WNT2B: variants seen among roughly 807,000 people sequenced by gnomAD.
WNT2B encodes Wnt family member 2B, also known as protein Wnt-2b.
A neutral mutation model predicts 40.5 loss-of-function variants in WNT2B; 19 were observed. That is an observed-to-expected ratio of 0.47 (90% CI 0.33 to 0.69). The LOEUF is 0.69. Ranked by LOEUF, WNT2B falls within the 30% of genes least tolerant of loss-of-function variation. The pLI is 0.02. For missense variants in WNT2B, 467 were observed against 556.4 expected, an observed-to-expected ratio of 0.84 and a Z score of 1.62; for synonymous variants, 220 against 211.9, an observed-to-expected ratio of 1.04 and a Z score of -0.33.
intron 1 of WNT2B, among the ~76,000 whole-genome samples, chr1:112,494,848 A>G (rs1651714678): frequency 6.6e-6 from 1 of 151,626 alleles, no homozygotes. Context: ...AAGTGAAGGT[A>G]AAACAAAAAC....
upstream of WNT2B, among the ~76,000 whole-genome samples, chr1:112,505,798 C>T (rs369851261): frequency 2.5e-3 from 386 of 152,318 alleles, 1 homozygote; most frequent in African/African-American, 8.8e-3. Flanking sequence ...TCCCGGGGAA[C>T]TGGGGACTCA....
intron 1 of WNT2B, among the ~76,000 whole-genome samples, chr1:112,484,290 T>TATATACACATATATATATATATATAC (rs1294363726): frequency 7.9e-6 from 1 of 126,050 alleles, no homozygotes; most frequent in African/African-American, 3.4e-5. Context: ...TATATATATA[T>TATATACACATATATATATATATATAC]ACACACACAT....
chr1:112,501,958 T>G (rs1651968002), intron 1 of WNT2B, among the ~76,000 whole-genome samples: 1 of 152,330 alleles, frequency 6.6e-6, no homozygotes, highest in East Asian at 1.9e-4. Context: ...AAGACGAAGC[T>G]CAGGCTGCCA....
intron 1 of WNT2B, chr1:112,490,919 C>A: frequency 7.5e-7 from 1 of 1,325,540 alleles, no homozygotes; most frequent in Non-Finnish European, 1.1e-6. Context: ...AATAGCTCTA[C>A]CCTAAATAAA....
At position 112,517,254 on chromosome 1, in the gene WNT2B, C is replaced by G; in HGVS notation, c.815C>G (p.Ala272Gly). 1.2e-6 allele frequency: 2 copies of G among 1,614,228 alleles called. No individual in the cohort carries two copies. Among genetic ancestry groups the G allele is most frequent in the Non-Finnish European group, 1.7e-6 (2 of 1,180,044 alleles). ...TACCTGCGGCGACGCTATGATGGGG[C>G]TGTGCAGGTGATGGCCACCCAAGAT... Reference protein sequence around the residue: ...GDYLRRRYDGAVQVMATQDGA... With the variant: ...GDYLRRRYDGGVQVMATQDGA... Residue 272 changes from alanine to glycine, a missense_variant, in exon 4 of 5, where the codon GCT (alanine) becomes GGT (glycine). Around this residue, in one of 2 missense-constraint regions of WNT2B, gnomAD observed 330 missense variants for 438.6 expected, o/e 0.75. Transcript: ENST00000369684.
At chr1:112,471,880 T>G (rs1224435921) in intron 1 of WNT2B, among the ~76,000 whole-genome samples, 1 of 152,202 alleles carries the variant, frequency 6.6e-6, no homozygotes, top group Non-Finnish European at 1.5e-5. Flanking sequence ...CAAAACAAAA[T>G]TTATCTCTTG....
In WNT2B at chr1:112,491,060, C is replaced by A. The variant is rs761031689; in HGVS notation, c.-95+23469C>A. The A allele has an allele frequency of 6.2e-6, 10 of 1,613,918 alleles. No homozygotes were observed. In the Admixed American group the frequency reaches 8.3e-5, roughly 13 times the overall value. On this transcript the variant is annotated intron_variant, in intron 1 of 4. Transcript: ENST00000256640. ...GTACCTGGCATACCTACACAGTCAGCGTTCAACAAGTGTTTGCAAAGGTAC... is the reference window on the plus strand; with the variant it reads ...GTACCTGGCATACCTACACAGTCAGAGTTCAACAAGTGTTTGCAAAGGTAC...
At chr1:112,508,455 A>T (rs1401917827), upstream of WNT2B, among the ~76,000 whole-genome samples, 1 of 151,924 alleles carries the variant, frequency 6.6e-6, no homozygotes, top group Non-Finnish European at 1.5e-5. This position sits in a 1 kb window ranked among gnomAD's most constrained non-coding sequence, Gnocchi z 4.2. Context: ...CCCTGCTAGA[A>T]GCCGACTGCC....
chr1:112,509,261 C>A lies in WNT2B; in HGVS notation c.-2C>A. 6.6e-7 allele frequency: 1 copy of A among 1,524,420 alleles called. No homozygotes were observed. Among genetic ancestry groups the A allele is most frequent in the South Asian group, 1.2e-5 (1 of 82,616 alleles). The allele number at this position is 1,524,420 out of a possible 1,614,324, so 94.4% of individuals were successfully genotyped here. Reference sequence around the variant, plus strand: ...CTGCGCGGCGGGAGTCTTCGGGGAGCTATGCTGAGACCGGGTGGTGCGGAG... The same window carrying A: ...CTGCGCGGCGGGAGTCTTCGGGGAGATATGCTGAGACCGGGTGGTGCGGAG... On this transcript the variant is annotated 5_prime_UTR_variant, in exon 1 of 5. Transcript: ENST00000369684. This position sits in a 1 kb window ranked among gnomAD's most constrained non-coding sequence, Gnocchi z 4.2.
intron 1 of WNT2B, among the ~76,000 whole-genome samples, chr1:112,475,761 GA>G (rs1381211094): frequency 6.6e-6 from 1 of 151,852 alleles, no homozygotes; most frequent in Non-Finnish European, 1.5e-5. Flanking sequence ...AAGAAGGAAA[GA>G]AGAACAAAGA....
intron 1 of WNT2B, among the ~76,000 whole-genome samples, chr1:112,488,639 C>T (rs1331724096): frequency 6.6e-6 from 1 of 151,556 alleles, no homozygotes; most frequent in Non-Finnish European, 1.5e-5. Flanking sequence ...GCAAGCTCCA[C>T]CACCCGGGTT....
chr1:112,509,631 TG>T lies in WNT2B; in HGVS notation c.182+189del, dbSNP rs1386079026. ...GGTGAGGCGCCGCGTCTTACACGAC[TG>T]GTGAGAAAGGCGCTGGGCATTCGGA... On this transcript the variant is annotated intron_variant, in intron 1 of 4. Coordinates refer to ENST00000369684, the MANE Select transcript of WNT2B (RefSeq NM_024494.3). The surrounding 1 kb of genome is among the most constrained non-coding windows in gnomAD (Gnocchi z 4.2). Among the ~76,000 whole-genome samples the T allele has an allele frequency of 1.3e-5, 2 of 152,170 alleles. No homozygotes were observed. The highest frequency in any genetic ancestry group is 1.3e-4 in the Admixed American group (2 of 15,276).
At chr1:112,517,011 C>A (rs1652582919) in intron 3 of WNT2B, 110 bp from the exon 4 acceptor site, 1 of 1,449,126 alleles carries the variant, frequency 6.9e-7, no homozygotes, top group African/African-American at 1.4e-5. Context: ...AATCGGCCAG[C>A]CAGGGCCAGG....
Position 112,525,861 on chromosome 1 carries a change from C to A in WNT2B, c.*5352C>A. 1 of 1,075,522 alleles carries A rather than the reference C, an allele frequency of 9.3e-7. No individual in the cohort carries two copies. The highest frequency in any genetic ancestry group is 1.3e-6 in the Non-Finnish European group (1 of 782,814). 66.6% of individuals were successfully genotyped at this position (1,075,522 alleles called of 1,614,324 possible). A position where few individuals can be genotyped will look rare whatever the true frequency, so the allele number is the denominator to read the frequency against. ...CCAAGGGGGGTTTGCCTAGGAATAA[C>A]AATATTCATAAGAAGCTTTTTCATA... is the stretch of plus-strand genomic sequence containing the variant. On this transcript the variant is annotated 3_prime_UTR_variant, in exon 5 of 5. Transcript: ENST00000369684.
At chr1:112,481,904 T>C (rs2101056352) in intron 1 of WNT2B, among the ~76,000 whole-genome samples, 1 of 152,032 alleles carries the variant, frequency 6.6e-6, no homozygotes. Context: ...CCCAGCACCT[T>C]GGGAGGCAGA....
At position 112,526,165 on chromosome 1, in the gene WNT2B, A is replaced by T. The variant is rs1653344686; in HGVS notation, c.*5656A>T. The T allele has an allele frequency of 3.7e-6, 6 of 1,610,640 alleles. No individual in the cohort carries two copies. The highest frequency in any genetic ancestry group is 3.3e-5 in the Admixed American group (2 of 59,874). ...TCAAGCCCTGTAGGAGTCCCAGGAC[A>T]GCCAAGAGAGTATATCTGAGCACAG... On this transcript the variant is annotated 3_prime_UTR_variant, in exon 5 of 5. Coordinates refer to ENST00000369684, the MANE Select transcript of WNT2B (RefSeq NM_024494.3).
chr1:112,520,010 T>C (rs1192625335), intron 4 of WNT2B, among the ~76,000 whole-genome samples: 1 of 151,744 alleles, frequency 6.6e-6, no homozygotes, highest in African/African-American at 2.4e-5. Flanking sequence ...TATCTAGGAC[T>C]ACAGGCTCAT....
Position 112,517,184 on chromosome 1 carries a change from C to A in WNT2B, c.745C>A (p.Arg249Ser). The A allele has an allele frequency of 6.2e-7, 1 of 1,614,184 alleles. No individual in the cohort carries two copies. The highest frequency in any genetic ancestry group is 8.5e-7 in the Non-Finnish European group (1 of 1,180,036). Residue 249 changes from arginine to serine, a missense_variant, in exon 4 of 5, where the codon CGC becomes AGC. Physicochemically the swap from Arg to Ser is moderately radical, Grantham distance 110. This residue lies in a region of WNT2B where 330 missense variants were observed against 438.6 expected (regional missense o/e 0.75). Transcript: ENST00000369684. ...CHGVSGSCTLRTCWRALSDFR... is the reference protein window; with the variant it reads ...CHGVSGSCTLSTCWRALSDFR... ...TGGCGTGAGTGGTTCCTGTACTCTG[C>A]GCACCTGCTGGCGTGCACTCTCAGA...
chr1:112,509,325 G>T lies in WNT2B; in HGVS notation c.63G>T (p.Pro21=), dbSNP rs1371206705. The change falls in exon 1 of 5, where the codon CCG becomes CCT. Residue 21 remains proline (P), a synonymous_variant. Transcript: ENST00000369684. The surrounding 1 kb of genome is among the most constrained non-coding windows in gnomAD (Gnocchi z 4.2). Reference sequence around the variant, plus strand: ...TCCCGCTTCGGCGCGCCAGCGCCCCGGTCCCTGTGCCGTCGCCCGCGGCCC... The same window carrying T: ...TCCCGCTTCGGCGCGCCAGCGCCCCTGTCCCTGTGCCGTCGCCCGCGGCCC... ...AQLPLRRASA[P]VPVPSPAAPD... The T allele has an allele frequency of 6.3e-7, 1 of 1,582,826 alleles. No homozygotes were observed. The highest frequency in any genetic ancestry group is 8.5e-7 in the Non-Finnish European group (1 of 1,171,136).
Sources: allele counts gnomAD v4.1 joint callset (sites outside exome capture counted in the v4.1 genomes callset), GRCh38; gene constraint gnomAD v4.1.1; regional missense constraint gnomAD v4.1.1; non-coding constraint Gnocchi (gnomAD v3.1); transcripts MANE v1.5; gene names NCBI Gene and HGNC (gene_info 2026-07-23, HGNC 2026-07-21).